RCL1: variants seen among roughly 807,000 people sequenced by gnomAD.
RCL1 encodes the protein RNA terminal phosphate cyclase like 1.
In RCL1, 24 loss-of-function variants were observed where a neutral mutation model predicts 42.4. The ratio of observed to expected loss-of-function variants is 0.57; its 90% CI spans 0.41 to 0.80. The LOEUF (loss-of-function observed/expected upper bound fraction) is 0.80. Ranked by LOEUF, RCL1 falls within the 30% of genes least tolerant of loss-of-function variation. The pLI, the probability that RCL1 is intolerant of heterozygous loss-of-function variation, is 0.00. For missense variants in RCL1, 578 were observed against 467.9 expected (o/e 1.24, Z -2.17); for synonymous variants, 228 against 177.3 (o/e 1.29, Z -2.27).
chr9:4,814,878 G>A (rs1816316853), intron 1 of RCL1, among the ~76,000 whole-genome samples: 1 of 151,602 alleles, frequency 6.6e-6, no homozygotes, highest in Non-Finnish European at 1.5e-5. Flanking sequence ...TAGCTTTTTT[G>A]GGTATAGTGT....
chr9:4,856,229 G>A (rs565401101), intron 8 of RCL1, among the ~76,000 whole-genome samples: 1 of 152,306 alleles, frequency 6.6e-6, no homozygotes, highest in South Asian at 2.1e-4. Flanking sequence ...TGGGGGAGAT[G>A]GTGGGATGGA....
intron 5 of RCL1, among the ~76,000 whole-genome samples, chr9:4,836,425 T>C (rs577799568): frequency 6.6e-6 from 1 of 152,146 alleles, no homozygotes; most frequent in Non-Finnish European, 1.5e-5. Flanking sequence ...GGCTTAAAGA[T>C]CAGATCTAGT....
At chr9:4,794,719 G>C (rs1842886338) in intron 1 of RCL1, among the ~76,000 whole-genome samples, 1 of 151,848 alleles carries the variant, frequency 6.6e-6, no homozygotes, top group East Asian at 1.9e-4. Flanking sequence ...TCTATTTAGA[G>C]TTTTTCTATT....
chr9:4,826,618 C>T (rs7871570), intron 2 of RCL1, among the ~76,000 whole-genome samples: 36,987 of 152,064 alleles, frequency 0.24, 4,616 homozygotes, highest in South Asian at 0.36. Context: ...TCAGATGGCT[C>T]AGAGAGGGGT....
intron 2 of RCL1, among the ~76,000 whole-genome samples, chr9:4,825,961 A>T (rs1330705679): frequency 1.3e-5 from 2 of 151,848 alleles, no homozygotes; most frequent in East Asian, 3.9e-4. Flanking sequence ...TGAGTGTGGT[A>T]GCATGTGCCT....
chr9:4,841,582 A>C (rs1051910742), intron 6 of RCL1, among the ~76,000 whole-genome samples: 4 of 152,228 alleles, frequency 2.6e-5, no homozygotes, highest in South Asian at 4.1e-4. Context: ...TCTGGTTCCT[A>C]GCCTTGGGGA....
At chr9:4,835,407 G>T (rs1477844676) in intron 5 of RCL1, among the ~76,000 whole-genome samples, 3 of 152,202 alleles carry the variant, frequency 2.0e-5, no homozygotes, top group Non-Finnish European at 2.9e-5. Flanking sequence ...TCAGCAGCAG[G>T]CTGTCACTGA....
intron 5 of RCL1, among the ~76,000 whole-genome samples, chr9:4,834,953 A>C (rs949121112): frequency 6.6e-5 from 10 of 152,222 alleles, no homozygotes; most frequent in African/African-American, 2.2e-4. Flanking sequence ...ACTCTAAAGT[A>C]CAGGCATTTA....
intron 1 of RCL1, among the ~76,000 whole-genome samples, chr9:4,799,412 C>T (rs574181970): frequency 6.6e-6 from 1 of 152,250 alleles, no homozygotes; most frequent in African/African-American, 2.4e-5. Flanking sequence ...CAGTTTCCCC[C>T]AATGGTGATA....
At chr9:4,806,600 A>G (rs1815979052) in intron 1 of RCL1, among the ~76,000 whole-genome samples, 1 of 145,162 alleles carries the variant, frequency 6.9e-6, no homozygotes, top group Non-Finnish European at 1.5e-5. Context: ...ACACACACAC[A>G]CACACACACA....
intron 1 of RCL1, among the ~76,000 whole-genome samples, chr9:4,811,618 C>T (rs1447992349): frequency 1.3e-5 from 2 of 152,164 alleles, no homozygotes; most frequent in African/African-American, 4.8e-5. Flanking sequence ...TATAGCTAAA[C>T]AGTATTCCGT....
chr9:4,794,687 G>C (rs927577047), intron 1 of RCL1, among the ~76,000 whole-genome samples: 1 of 151,798 alleles, frequency 6.6e-6, no homozygotes, highest in African/African-American at 2.4e-5. Context: ...TGGAAACCTG[G>C]GTTCTCTAAA....
chr9:4,816,219 A>T (rs1816371304), intron 1 of RCL1, among the ~76,000 whole-genome samples: 1 of 151,888 alleles, frequency 6.6e-6, no homozygotes, highest in Non-Finnish European at 1.5e-5. Flanking sequence ...TTAATTGTTG[A>T]TTCATTGGTA....
intron 1 of RCL1, among the ~76,000 whole-genome samples, chr9:4,816,879 C>T (rs1254224032): frequency 1.3e-5 from 2 of 152,100 alleles, no homozygotes; most frequent in Admixed American, 6.6e-5. Flanking sequence ...TGCAGTGGCG[C>T]GATCTCGGCT....
chr9:4,855,308 C>T (rs967190247), intron 8 of RCL1, among the ~76,000 whole-genome samples: 4 of 151,554 alleles, frequency 2.6e-5, no homozygotes, highest in African/African-American at 7.3e-5. Context: ...CTGCTATTTG[C>T]GCTGTGTGGG....
At chr9:4,845,875 T>C (rs919752677) in intron 7 of RCL1, among the ~76,000 whole-genome samples, 6 of 152,264 alleles carry the variant, frequency 3.9e-5, no homozygotes, top group African/African-American at 1.4e-4. Flanking sequence ...TATTGTTCTG[T>C]GTATTTCTTC....
At chr9:4,841,100 T>A in intron 5 of RCL1, 132 bp from the exon 6 acceptor site, 1 of 954,648 alleles carries the variant, frequency 1.0e-6, no homozygotes. Context: ...ATTCAGTAAA[T>A]TCAGTTGGAA....
At chr9:4,832,998 G>A (rs1008962651) in intron 3 of RCL1, among the ~76,000 whole-genome samples, 156 bp from the exon 4 acceptor site, 2 of 152,096 alleles carry the variant, frequency 1.3e-5, no homozygotes, top group Non-Finnish European at 2.9e-5. Flanking sequence ...GTGTTCCTCA[G>A]GCAGAGCCAG....
rs1214271046 is a variant in RCL1, at chr9:4,851,885, C to CTTTTTTTTTTT, written c.971+2338_971+2348dup. Among the ~76,000 whole-genome samples, 9 of 124,450 alleles carry CTTTTTTTTTTT rather than the reference C, an allele frequency of 7.2e-5. 1 individual carries two copies. The highest frequency in any genetic ancestry group is 2.4e-4 in the East Asian group (1 of 4,166). 81.6% of individuals were successfully genotyped at this position (124,450 alleles called of 152,430 possible). A position where few individuals can be genotyped will look rare whatever the true frequency, so the allele number is the denominator to read the frequency against. On this transcript the variant is annotated intron_variant, in intron 8 of 8. Transcript: ENST00000381750. ...AAAGTAAGTCTGTATGTGTGAAACTCTTTTTTTTTTTTTGAGACAGAGTTT... is the reference window on the plus strand; with the variant it reads ...AAAGTAAGTCTGTATGTGTGAAACTCTTTTTTTTTTTTTTTTTTTTTTTTGAGACAGAGTTT...
Sources: allele counts gnomAD v4.1 joint callset (sites outside exome capture counted in the v4.1 genomes callset), GRCh38; gene constraint gnomAD v4.1.1; transcripts MANE v1.5; gene names NCBI Gene and HGNC (gene_info 2026-07-23, HGNC 2026-07-21).